The following CNTN1 variants were observed in gnomAD, a reference collection of about 807,000 sequenced individuals.
CNTN1 encodes the protein contactin 1, also known as contactin-1.
In CNTN1, 38 loss-of-function variants were observed where a neutral mutation model predicts 126.4. The observed-to-expected ratio is 0.30, with a 90% CI of 0.23 to 0.39. The LOEUF (loss-of-function observed/expected upper bound fraction) is 0.39. Ranked by LOEUF, CNTN1 falls within the 10% of genes least tolerant of loss-of-function variation. The pLI, the probability that CNTN1 is intolerant of heterozygous loss-of-function variation, is 1.00. For missense variants in CNTN1, 1,009 were observed against 1,248.4 expected, an observed-to-expected ratio of 0.81 and a Z score of 2.89; for synonymous variants, 413 against 422.6, an observed-to-expected ratio of 0.98 and a Z score of 0.28.
At chr12:40,827,404 G>T (rs1374366725) in intron 1 of CNTN1, among the ~76,000 whole-genome samples, 1 of 142,196 alleles carries the variant, frequency 7.0e-6, no homozygotes, top group African/African-American at 2.5e-5. Context: ...TTCTAAAAAA[G>T]GTTATTCAAA....
chr12:40,909,815 GAATAA>G (rs1944964742), intron 2 of CNTN1, among the ~76,000 whole-genome samples: 1 of 151,400 alleles, frequency 6.6e-6, no homozygotes, highest in Non-Finnish European at 1.5e-5. Context: ...TTATTTTTGT[GAATAA>G]AATAAAATAA....
chr12:40,915,983 A>C (rs537317630), intron 3 of CNTN1, among the ~76,000 whole-genome samples: 5 of 152,244 alleles, frequency 3.3e-5, no homozygotes, highest in Admixed American at 6.5e-5. Context: ...AAATCTCCTT[A>C]CATGTATAGC....
At chr12:40,924,708 C>T (rs1224061983) in intron 6 of CNTN1, 56 bp downstream of exon 6, 1 of 930,880 alleles carries the variant, frequency 1.1e-6, no homozygotes, top group Non-Finnish European at 1.8e-6. Flanking sequence ...GGACAAGTTT[C>T]CATTTTCTTA....
intron 19 of CNTN1, 57 bp from the exon 20 acceptor site, chr12:41,020,280 C>T (rs1405082329): frequency 2.7e-5 from 30 of 1,120,460 alleles, no homozygotes; most frequent in East Asian, 4.7e-5. Context: ...TGATGCTATT[C>T]GAATTTCTTA....
intron 15 of CNTN1, chr12:40,972,112 G>C (rs1429638433): frequency 1.7e-5 from 17 of 985,398 alleles, no homozygotes; most frequent in Non-Finnish European, 1.9e-5. Context: ...GAATTGGAAA[G>C]TGAAAATGGA....
At chr12:40,949,417 TA>T (rs1318445736) in intron 14 of CNTN1, among the ~76,000 whole-genome samples, 6 of 100,166 alleles carry the variant, frequency 6.0e-5, no homozygotes, top group Non-Finnish European at 1.0e-4. Flanking sequence ...ATGCTATCCC[TA>T]CCCCCCCTCC....
rs1945683685 is a variant in CNTN1, at chr12:40,926,185, A to ATAGATAGATAGATAGG, written c.496+1548_496+1549insGTAGATAGATAGATAG. ...TTGCTAAATAAGGATAGATAGATAGATAGATAGATAGATAGATAGATAGAT... is the reference window on the plus strand; with the variant it reads ...TTGCTAAATAAGGATAGATAGATAGATAGATAGATAGATAGGTAGATAGATAGATAGATAGATAGAT... On this transcript the variant is annotated intron_variant, in intron 6 of 23. Transcript: ENST00000551295. Among the ~76,000 whole-genome samples the ATAGATAGATAGATAGG allele has an allele frequency of 1.3e-5, 2 of 151,000 alleles. 1 individual carries two copies. The highest frequency in any genetic ancestry group is 4.2e-4 in the South Asian group (2 of 4,726).
intron 1 of CNTN1, among the ~76,000 whole-genome samples, chr12:40,737,931 T>C (rs1937766507): frequency 6.6e-6 from 1 of 151,992 alleles, no homozygotes; most frequent in African/African-American, 2.4e-5. Context: ...CTCTAGGAAC[T>C]CTAATATGGT....
intron 16 of CNTN1, among the ~76,000 whole-genome samples, chr12:40,985,919 G>A (rs139870841): frequency 9.9e-5 from 15 of 152,040 alleles, no homozygotes; most frequent in African/African-American, 3.6e-4. Flanking sequence ...CTGTGTTTCT[G>A]TATGGATAAT....
At chr12:40,877,182 C>T (rs1445778462) in intron 1 of CNTN1, among the ~76,000 whole-genome samples, 3 of 152,164 alleles carry the variant, frequency 2.0e-5, no homozygotes, top group African/African-American at 7.2e-5. Context: ...ATTTAAGTAT[C>T]TAACTCTGGG....
At chr12:40,972,129 G>A in intron 15 of CNTN1, 1 of 985,504 alleles carries the variant, frequency 1.0e-6, no homozygotes, top group Non-Finnish European at 1.2e-6. Flanking sequence ...TGGATAGCAT[G>A]TGGGGGAAAC....
intron 14 of CNTN1, among the ~76,000 whole-genome samples, chr12:40,955,473 A>G (rs1357316324): frequency 1.3e-5 from 2 of 152,102 alleles, no homozygotes; most frequent in Non-Finnish European, 2.9e-5. Context: ...CTGGTAGTTT[A>G]TCTCATAGAT....
chr12:41,052,011 A>G (rs576917464), intron 23 of CNTN1, among the ~76,000 whole-genome samples: 3 of 152,004 alleles, frequency 2.0e-5, no homozygotes, highest in Non-Finnish European at 4.4e-5. Flanking sequence ...TGTATTAAAT[A>G]GCAGACTCAC....
intron 16 of CNTN1, among the ~76,000 whole-genome samples, chr12:40,987,161 A>G (rs192896464): frequency 3.4e-4 from 52 of 152,292 alleles, no homozygotes; most frequent in Admixed American, 1.2e-3. Flanking sequence ...CAGAAATAAA[A>G]ATCATATGGT....
rs1180331187 is a variant in CNTN1 at position 40,754,009 on chromosome 12, ATCGTTAAATTACCT to A, written c.-77+61420_-77+61433del. Among the ~76,000 whole-genome samples the A allele has an allele frequency of 5.3e-5, 8 of 152,068 alleles. No homozygotes were observed. In the East Asian group the frequency reaches 1.5e-3, roughly 29 times the overall value. ...TCAAATTTTTTAAACTTTGCTTCAT[ATCGTTAAATTACCT>A]TCAGAAAGTTATCAGTTGATATTCC... is the stretch of plus-strand genomic sequence containing the variant. On this transcript the variant is annotated intron_variant, in intron 1 of 23. Coordinates refer to ENST00000551295, the MANE Select transcript of CNTN1 (RefSeq NM_001843.4).
At chr12:40,772,997 C>T (rs1213764409) in intron 1 of CNTN1, among the ~76,000 whole-genome samples, 2 of 151,802 alleles carry the variant, frequency 1.3e-5, no homozygotes, top group African/African-American at 2.4e-5. Context: ...ATTGGATATA[C>T]GCACATTGGA....
intron 16 of CNTN1, among the ~76,000 whole-genome samples, chr12:40,989,799 T>A (rs1024494651): frequency 6.6e-6 from 1 of 151,980 alleles, no homozygotes; most frequent in Non-Finnish European, 1.5e-5. Flanking sequence ...TGGCCACAAA[T>A]GATAGCTAGG....
At chr12:40,812,943 A>ATTT (rs36133223) in intron 1 of CNTN1, among the ~76,000 whole-genome samples, 73 of 131,700 alleles carry the variant, frequency 5.5e-4, no homozygotes, top group African/African-American at 2.0e-3. Context: ...CAGTTTGTTA[A>ATTT]TTTTTTTTTT....
At chr12:41,064,513 G>A (rs905410828) in intron 23 of CNTN1, among the ~76,000 whole-genome samples, 3 of 152,204 alleles carry the variant, frequency 2.0e-5, no homozygotes, top group Non-Finnish European at 4.4e-5. Flanking sequence ...TTTACTGGGA[G>A]TTATCTATTA....
Sources: allele counts gnomAD v4.1 joint callset (sites outside exome capture counted in the v4.1 genomes callset), GRCh38; gene constraint gnomAD v4.1.1; transcripts MANE v1.5; gene names NCBI Gene and HGNC (gene_info 2026-07-23, HGNC 2026-07-21).